The following OXR1 variants were observed in gnomAD, a reference collection of about 807,000 sequenced individuals.
OXR1 encodes the protein oxidation resistance 1, also known as oxidation resistance protein 1.
Under a neutral mutation model 104.6 loss-of-function variants are expected in OXR1, and 41 were observed. The observed-to-expected ratio is 0.39, with a 90% confidence interval of 0.31 to 0.51. OXR1 has a LOEUF of 0.51. Ranked by LOEUF, OXR1 falls within the 20% of genes least tolerant of loss-of-function variation. The pLI is 0.77. For missense variants in OXR1, 955 were observed against 1,031.9 expected, an observed-to-expected ratio of 0.93 and a Z score of 1.02; for synonymous variants, 348 against 348.4, an observed-to-expected ratio of 1.00 and a Z score of 0.01.
At chr8:106,577,249 C>T (rs1205660241) in intron 3 of OXR1, among the ~76,000 whole-genome samples, 5 of 150,014 alleles carry the variant, frequency 3.3e-5, no homozygotes, top group Admixed American at 3.3e-4. Flanking sequence ...CTCTGTCTGT[C>T]GCCCAGACTG....
At chr8:106,557,907 A>T (rs1221128493) in intron 3 of OXR1, among the ~76,000 whole-genome samples, 3 of 152,234 alleles carry the variant, frequency 2.0e-5, no homozygotes, top group Non-Finnish European at 4.4e-5. Flanking sequence ...AAAATCAATA[A>T]GTGATAATTT....
chr8:106,618,256 G>A, intron 3 of OXR1: 4 of 1,182,482 alleles, frequency 3.4e-6, no homozygotes, highest in Non-Finnish European at 3.6e-6. Context: ...ACATTAAAGG[G>A]CACACTTTAT....
At chr8:106,698,277 G>T (rs1830262362) in intron 7 of OXR1, among the ~76,000 whole-genome samples, 1 of 152,050 alleles carries the variant, frequency 6.6e-6, no homozygotes, top group African/African-American at 2.4e-5. Context: ...TTTTATGTTT[G>T]GTGTTCTGTT....
intron 3 of OXR1, among the ~76,000 whole-genome samples, chr8:106,521,099 C>T (rs1319833169): frequency 1.3e-5 from 2 of 152,166 alleles, no homozygotes; most frequent in Middle Eastern, 3.2e-3. Flanking sequence ...TATACTCTAT[C>T]TATATAACCC....
At chr8:106,593,033 C>G (rs1236352005) in intron 3 of OXR1, among the ~76,000 whole-genome samples, 1 of 152,146 alleles carries the variant, frequency 6.6e-6, no homozygotes, top group Non-Finnish European at 1.5e-5. Flanking sequence ...TCCATTGCAG[C>G]CTGCCTTTTA....
chr8:106,276,628 C>T (rs1215756455), intron 1 of OXR1, among the ~76,000 whole-genome samples: 1 of 151,964 alleles, frequency 6.6e-6, no homozygotes, highest in Non-Finnish European at 1.5e-5. Flanking sequence ...CCATCCAAAC[C>T]TCTTTCTCAA....
intron 1 of OXR1, among the ~76,000 whole-genome samples, chr8:106,347,478 A>G (rs777979163): frequency 2.6e-4 from 39 of 152,210 alleles, no homozygotes; most frequent in Admixed American, 5.2e-4. Context: ...CTAACAGAGG[A>G]AATATCAATA....
intron 2 of OXR1, among the ~76,000 whole-genome samples, chr8:106,435,049 C>A (rs1023375261): frequency 6.6e-6 from 1 of 152,138 alleles, no homozygotes; most frequent in African/African-American, 2.4e-5. Context: ...CAGGTGTCAC[C>A]TCTAAGGAAG....
intron 2 of OXR1, among the ~76,000 whole-genome samples, chr8:106,518,567 T>C (rs553473083): frequency 2.0e-5 from 3 of 152,318 alleles, no homozygotes; most frequent in Non-Finnish European, 4.4e-5. Context: ...TTTATTATTC[T>C]TTTTGGAGTT....
chr8:106,427,702 C>T (rs1372236515), intron 2 of OXR1, among the ~76,000 whole-genome samples: 1 of 152,136 alleles, frequency 6.6e-6, no homozygotes, highest in Non-Finnish European at 1.5e-5. Flanking sequence ...TATGTGAAGA[C>T]TATGTTCTGA....
intron 3 of OXR1, among the ~76,000 whole-genome samples, chr8:106,637,578 G>T (rs1392206558): frequency 6.6e-6 from 1 of 152,074 alleles, no homozygotes; most frequent in East Asian, 1.9e-4. Flanking sequence ...TCCAACCTTG[G>T]GGAGGAAAGT....
chr8:106,439,900 C>T (rs942837239), intron 2 of OXR1, among the ~76,000 whole-genome samples: 7 of 152,046 alleles, frequency 4.6e-5, no homozygotes, highest in African/African-American at 1.7e-4. Flanking sequence ...ATTTAAAGCT[C>T]TTATGTGAAT....
intron 3 of OXR1, among the ~76,000 whole-genome samples, chr8:106,520,998 A>C (rs960578429): frequency 2.6e-5 from 4 of 152,304 alleles, no homozygotes; most frequent in African/African-American, 9.6e-5. Context: ...ACCACTCATG[A>C]ATTCTTCACT....
chr8:106,423,311 A>G (rs201360116), intron 2 of OXR1, among the ~76,000 whole-genome samples: 2 of 152,178 alleles, frequency 1.3e-5, no homozygotes, highest in East Asian at 3.9e-4. Flanking sequence ...CAGATGAAAT[A>G]TTTGTTCGAA....
chr8:106,476,242 A>T (rs751709081), intron 2 of OXR1, among the ~76,000 whole-genome samples: 1 of 151,930 alleles, frequency 6.6e-6, no homozygotes, highest in Non-Finnish European at 1.5e-5. Flanking sequence ...AGTTGAACTC[A>T]TGGAGGTCTG....
At chr8:106,389,294 A>T (rs1420223186) in intron 2 of OXR1, among the ~76,000 whole-genome samples, 1 of 152,228 alleles carries the variant, frequency 6.6e-6, no homozygotes, top group East Asian at 1.9e-4. Context: ...AAATGTTTTA[A>T]CTTTATAAGG....
chr8:106,436,943 A>G lies in OXR1; in HGVS notation c.23+77307A>G, dbSNP rs186591830. On this transcript the variant is annotated intron_variant, in intron 2 of 16. Coordinates refer to ENST00000517566, the MANE Select transcript of OXR1 (RefSeq NM_001198533.2). ...CAAACCCCAAAAGAAGAGAAGTGGT[A>G]CATTGTACCTTCCCCAAAAAGAAAG... Among the ~76,000 whole-genome samples, 3 of 152,322 alleles carry G rather than the reference A, an allele frequency of 2.0e-5. No homozygotes were observed. In the East Asian group the frequency reaches 5.8e-4, roughly 29 times the overall value.
intron 3 of OXR1, among the ~76,000 whole-genome samples, chr8:106,581,497 G>GTTT (rs201014920): frequency 6.8e-6 from 1 of 147,524 alleles, no homozygotes; most frequent in African/African-American, 2.5e-5. Context: ...TTGATTCTGT[G>GTTT]TTTTTTTTTT....
intron 6 of OXR1, among the ~76,000 whole-genome samples, chr8:106,687,531 G>A (rs1158091335): frequency 6.6e-6 from 1 of 152,076 alleles, no homozygotes; most frequent in African/African-American, 2.4e-5. Context: ...GATTAGAGCG[G>A]CCAACATGGT....
Sources: gnomAD v4.1 joint callset for allele counts (sites outside exome capture counted in the v4.1 genomes callset) on GRCh38, gnomAD v4.1.1 for gene constraint, MANE v1.5 for transcripts, NCBI Gene and HGNC (gene_info 2026-07-23, HGNC 2026-07-21) for gene names.